Variants in SLCO1B1 observed in about 807,000 individuals in gnomAD.
The protein encoded by SLCO1B1 is OATP-2.
SLCO1B1 carries 81 observed loss-of-function variants against 70.1 expected under a neutral mutation model. The ratio of observed to expected loss-of-function variants is 1.16; its 90% CI spans 0.97 to 1.39. The LOEUF is 1.39. Ranked by LOEUF, SLCO1B1 falls within the 40% of genes most tolerant of loss-of-function variation. SLCO1B1 has a pLI of 0.00. For missense variants in SLCO1B1, 895 were observed against 799.6 expected, an observed-to-expected ratio of 1.12 and a Z score of -1.44; for synonymous variants, 283 against 271.5, an observed-to-expected ratio of 1.04 and a Z score of -0.42.
At chr12:21,151,293 G>C (rs1940467631) in intron 2 of SLCO1B1, among the ~76,000 whole-genome samples, 2 of 152,138 alleles carry the variant, frequency 1.3e-5, no homozygotes, top group South Asian at 4.1e-4. Context: ...ATGTGTGACT[G>C]TAGTTAGATT....
intron 11 of SLCO1B1, among the ~76,000 whole-genome samples, chr12:21,208,071 GT>G: frequency 6.6e-6 from 1 of 151,772 alleles, no homozygotes; most frequent in East Asian, 1.9e-4. Flanking sequence ...GTTTGCAAAG[GT>G]TTTCTCCCAT....
chr12:21,168,384 G>C (rs74532914), intron 2 of SLCO1B1, among the ~76,000 whole-genome samples: 16,531 of 152,152 alleles, frequency 0.11, 1,224 homozygotes, highest in Non-Finnish European at 0.16. Context: ...ATCTCTGCTA[G>C]ATCCTGTTTT....
At chr12:21,227,607 T>A (rs557971479) in intron 14 of SLCO1B1, among the ~76,000 whole-genome samples, 1 of 152,196 alleles carries the variant, frequency 6.6e-6, no homozygotes, top group South Asian at 2.1e-4. Flanking sequence ...TGAAAAGAAA[T>A]TACAAATGAA....
Position 21,189,647 on chromosome 12 carries a change from A to G in SLCO1B1, c.728-7299A>G, listed in dbSNP as rs182037586. The stretch of plus-strand genomic sequence containing the variant: ...TTTTTAGTAGAGATGGGATTTCACC[A>G]TGTTGGCCTGGCTGGTCTCAAACTC... On this transcript the variant is annotated intron_variant, in intron 7 of 14. Coordinates refer to ENST00000256958, the MANE Select transcript of SLCO1B1 (RefSeq NM_006446.5). Among the ~76,000 whole-genome samples, 236 of 152,146 alleles carry G rather than the reference A, an allele frequency of 1.6e-3. 3 individuals are homozygous for G. Among genetic ancestry groups the G allele is most frequent in the African/African-American group, 5.6e-3 (234 of 41,506 alleles).
intron 14 of SLCO1B1, among the ~76,000 whole-genome samples, chr12:21,228,795 A>G (rs951539975): frequency 3.3e-5 from 5 of 152,232 alleles, no homozygotes; most frequent in East Asian, 3.9e-4. Context: ...ATTTTAGCCA[A>G]CTAAGACAAG....
chr12:21,220,217 G>A (rs765541593), intron 12 of SLCO1B1, among the ~76,000 whole-genome samples: 1 of 152,198 alleles, frequency 6.6e-6, no homozygotes, highest in Non-Finnish European at 1.5e-5. Context: ...AGAAAGGGTA[G>A]ATTGGGAAAG....
At chr12:21,230,357 T>G (rs1440164112) in intron 14 of SLCO1B1, among the ~76,000 whole-genome samples, 2 of 137,186 alleles carry the variant, frequency 1.5e-5, no homozygotes, top group Non-Finnish European at 3.2e-5. Flanking sequence ...GGAGACATAG[T>G]TTTGCTCTTG....
chr12:21,214,046 A>C (rs1217574082), intron 11 of SLCO1B1, among the ~76,000 whole-genome samples: 1 of 152,040 alleles, frequency 6.6e-6, no homozygotes, highest in Non-Finnish European at 1.5e-5. Flanking sequence ...TGATCGTCTG[A>C]AGCCTTCTCT....
intron 8 of SLCO1B1, 125 bp downstream of exon 8, chr12:21,197,313 A>G: frequency 2.1e-6 from 2 of 975,570 alleles, no homozygotes; most frequent in Non-Finnish European, 1.5e-6. Flanking sequence ...CACTAAATTT[A>G]GATAAATTAT....
chr12:21,185,727 C>T (rs1003388729), intron 7 of SLCO1B1, among the ~76,000 whole-genome samples: 2 of 151,252 alleles, frequency 1.3e-5, no homozygotes, highest in Admixed American at 6.6e-5. Flanking sequence ...AAATAAATAA[C>T]GAAAATCAGA....
At chr12:21,165,169 C>G (rs149053644) in intron 2 of SLCO1B1, among the ~76,000 whole-genome samples, 89 of 152,184 alleles carry the variant, frequency 5.8e-4, no homozygotes, top group African/African-American at 2.1e-3. Context: ...AATTAATGAC[C>G]GATCTGCCAT....
intron 2 of SLCO1B1, among the ~76,000 whole-genome samples, chr12:21,158,551 A>G (rs992882631): frequency 4.6e-5 from 7 of 151,974 alleles, no homozygotes; most frequent in Admixed American, 3.3e-4. Context: ...AAAATTAGCC[A>G]GGTGTGGTGG....
At chr12:21,182,036 C>A (rs4381410) in intron 7 of SLCO1B1, among the ~76,000 whole-genome samples, 1 of 152,024 alleles carries the variant, frequency 6.6e-6, no homozygotes, top group Admixed American at 6.6e-5. Flanking sequence ...ACTGAGGAAG[C>A]CCAAAATATT....
chr12:21,227,489 A>G (rs923805500), intron 14 of SLCO1B1, among the ~76,000 whole-genome samples: 1 of 152,154 alleles, frequency 6.6e-6, no homozygotes, highest in Non-Finnish European at 1.5e-5. Flanking sequence ...TAAAATCCCC[A>G]GCAGATAAAA....
intron 2 of SLCO1B1, among the ~76,000 whole-genome samples, chr12:21,152,318 G>T (rs1052766451): frequency 6.6e-6 from 1 of 151,724 alleles, no homozygotes; most frequent in South Asian, 2.1e-4. Flanking sequence ...ATTAATCACA[G>T]TTGTTTTAAA....
intron 3 of SLCO1B1, among the ~76,000 whole-genome samples, chr12:21,173,674 T>A (rs1418986852): frequency 6.6e-6 from 1 of 152,066 alleles, no homozygotes; most frequent in Non-Finnish European, 1.5e-5. Flanking sequence ...TCCAAATTAT[T>A]TTTATGCTAT....
chr12:21,214,911 C>T (rs1212233474), intron 11 of SLCO1B1, among the ~76,000 whole-genome samples: 2 of 151,974 alleles, frequency 1.3e-5, no homozygotes, highest in Non-Finnish European at 2.9e-5. Flanking sequence ...AATGCCTCGC[C>T]CTGCTTCGGC....
At chr12:21,231,516 C>G (rs916435609) in intron 14 of SLCO1B1, among the ~76,000 whole-genome samples, 1 of 151,594 alleles carries the variant, frequency 6.6e-6, no homozygotes, top group African/African-American at 2.4e-5. Flanking sequence ...ATGTGGTCAT[C>G]AAGAGGGGCA....
Position 21,202,682 on chromosome 12 carries a change from G to T in SLCO1B1, c.1327G>T (p.Asp443Tyr), listed in dbSNP as rs150573622. ...AGTTGCCGGACTAACCATGACCTAT[G>T]ATGGGTTTGTATATATCACTATATC... ...KSVAGLTMTY[D>Y]GNNPVTSHRD... The change falls in exon 10 of 15, where the codon GAT (aspartate) becomes TAT (tyrosine). Residue 443 changes from aspartate (D) to tyrosine (Y), a missense_variant. By Grantham distance (160) the Asp-to-Tyr change is radical. Coordinates refer to ENST00000256958, the MANE Select transcript of SLCO1B1 (RefSeq NM_006446.5). The T allele has an allele frequency of 6.2e-7, 1 of 1,609,282 alleles. No individual in the cohort carries two copies. Among genetic ancestry groups the T allele is most frequent in the Non-Finnish European group, 8.5e-7 (1 of 1,176,946 alleles).
Sources: gnomAD v4.1 joint callset for allele counts (sites outside exome capture counted in the v4.1 genomes callset) on GRCh38, gnomAD v4.1.1 for gene constraint, MANE v1.5 for transcripts, NCBI Gene and HGNC (gene_info 2026-07-23, HGNC 2026-07-21) for gene names.